Variants in ERC1 observed in about 807,000 individuals in gnomAD.
The protein encoded by ERC1 is ELKS/RAB6-interacting/CAST family member 1, also known as RAB6 interacting protein 2.
ERC1 carries 56 observed loss-of-function variants against 132.0 expected under a neutral mutation model. That is an observed-to-expected ratio of 0.42 (90% CI 0.34 to 0.53). The LOEUF is 0.53. Among genes scored for constraint, ERC1 ranks in the 20% least tolerant of loss-of-function variants. The pLI is 0.03. For synonymous variants in ERC1, 478 were observed against 476.1 expected (o/e 1.00, Z -0.05); for missense variants, 1,202 against 1,349.9 (o/e 0.89, Z 1.72).
intron 1 of ERC1, among the ~76,000 whole-genome samples, chr12:1,019,288 T>C (rs187585946): frequency 1.3e-5 from 2 of 152,294 alleles, no homozygotes; most frequent in African/African-American, 4.8e-5. Context: ...CTGGCCCAGC[T>C]AATTTTTTGT....
intron 15 of ERC1, among the ~76,000 whole-genome samples, chr12:1,334,757 T>A (rs775983783): frequency 3.9e-5 from 6 of 152,176 alleles, no homozygotes; most frequent in Non-Finnish European, 7.4e-5. Context: ...AGTTTTCTAG[T>A]TCTGTGAAGA....
At chr12:1,201,693 A>G (rs958875918) in intron 12 of ERC1, among the ~76,000 whole-genome samples, 3 of 152,142 alleles carry the variant, frequency 2.0e-5, no homozygotes, top group Non-Finnish European at 1.5e-5. Context: ...TCTGGTAAAT[A>G]TTTTTCCTTA....
Position 1,049,950 on chromosome 12 carries a change from C to T in ERC1, c.669+21378C>T, listed in dbSNP as rs537472878. Among the ~76,000 whole-genome samples, 8 of 152,110 alleles carry T rather than the reference C, an allele frequency of 5.3e-5. No individual in the cohort carries two copies. In the South Asian group the frequency reaches 1.5e-3, roughly 28 times the overall value. On this transcript the variant is annotated intron_variant, in intron 2 of 18. Coordinates refer to ENST00000360905, the MANE Select transcript of ERC1 (RefSeq NM_178040.4). ...TAGAGACAGGGTTTTACCATGTTGG[C>T]CAGGCTGGTCTCAAACTCCTGACCT...
chr12:1,309,228 A>G (rs1430467210), intron 15 of ERC1, among the ~76,000 whole-genome samples: 1 of 152,264 alleles, frequency 6.6e-6, no homozygotes, highest in Non-Finnish European at 1.5e-5. Context: ...ATGGAATATC[A>G]TGAACAATAA....
At chr12:1,298,561 C>CAAAAAAAAAAAAAAAAAAAAAA (rs1566521485) in intron 15 of ERC1, among the ~76,000 whole-genome samples, 1 of 87,186 alleles carries the variant, frequency 1.1e-5, no homozygotes, top group Non-Finnish European at 2.9e-5. Flanking sequence ...AAAAAACAAA[C>CAAAAAAAAAAAAAAAAAAAAAA]AAACAAAGAA....
chr12:1,110,044 A>C (rs1945682296), intron 4 of ERC1, 148 bp from the exon 5 acceptor site: 1 of 656,104 alleles, frequency 1.5e-6, no homozygotes. Context: ...CTGTCTCAAA[A>C]AAAGGAAGCA....
intron 2 of ERC1, among the ~76,000 whole-genome samples, chr12:1,034,300 G>A (rs1488670324): frequency 2.6e-5 from 4 of 152,104 alleles, no homozygotes; most frequent in African/African-American, 7.2e-5. Context: ...TGTGAGCTGG[G>A]TATGGTAATA....
At chr12:1,326,119 A>G (rs1015458872) in intron 15 of ERC1, among the ~76,000 whole-genome samples, 2 of 152,176 alleles carry the variant, frequency 1.3e-5, no homozygotes, top group African/African-American at 2.4e-5. Context: ...AATGCCAGGA[A>G]CTTTCACCAG....
At chr12:1,216,111 C>T (rs868411607) in intron 12 of ERC1, among the ~76,000 whole-genome samples, 1 of 152,142 alleles carries the variant, frequency 6.6e-6, no homozygotes, top group Non-Finnish European at 1.5e-5. Flanking sequence ...TCCCCCTCTC[C>T]TTCCTTCTTT....
At chr12:1,082,999 A>T in intron 2 of ERC1, 165 bp from the exon 3 acceptor site, 1 of 597,700 alleles carries the variant, frequency 1.7e-6, no homozygotes, top group South Asian at 2.3e-5. Flanking sequence ...GACATTTTGC[A>T]TATTATCTCA....
chr12:1,156,904 T>G (rs561822921), intron 8 of ERC1, among the ~76,000 whole-genome samples: 39 of 152,300 alleles, frequency 2.6e-4, no homozygotes, highest in African/African-American at 9.1e-4. Flanking sequence ...ATAGGAAGTT[T>G]TTCCTCTAGT....
chr12:1,313,275 TTTC>T (rs1399554005), intron 15 of ERC1, among the ~76,000 whole-genome samples: 4 of 152,092 alleles, frequency 2.6e-5, no homozygotes, highest in East Asian at 3.9e-4. Flanking sequence ...ACCCACTAGA[TTTC>T]TTCTTCTTAC....
chr12:1,394,038 AAAAAAACCAC>A (rs1271616088), intron 16 of ERC1, among the ~76,000 whole-genome samples: 4,473 of 87,370 alleles, frequency 0.051, 468 homozygotes, highest in East Asian at 0.065. Flanking sequence ...AAAAAACAAA[AAAAAAACCAC>A]AAAGCATTAA....
chr12:1,040,812 A>T (rs893122803), intron 2 of ERC1, among the ~76,000 whole-genome samples: 4 of 152,150 alleles, frequency 2.6e-5, no homozygotes, highest in African/African-American at 9.7e-5. Flanking sequence ...ATAGGCCGAG[A>T]AAGTGAGATA....
At chr12:1,331,357 G>C (rs2082847298) in intron 15 of ERC1, among the ~76,000 whole-genome samples, 1 of 152,160 alleles carries the variant, frequency 6.6e-6, no homozygotes. Flanking sequence ...TATCCCATAA[G>C]GTATCATATT....
chr12:1,001,751 T>G (rs1962333753), intron 1 of ERC1, among the ~76,000 whole-genome samples: 2 of 152,198 alleles, frequency 1.3e-5, no homozygotes, highest in South Asian at 4.1e-4. Flanking sequence ...AGTATTCCAT[T>G]GTATAAATAT....
At position 994,066 on chromosome 12, in the gene ERC1, C is replaced by CAAAAAAAAAAAA. The variant is rs72073964; in HGVS notation, c.-157+2762_-157+2773dup. 3.4e-4 allele frequency among the ~76,000 whole-genome samples: 22 copies of CAAAAAAAAAAAA among 64,262 alleles called. 2 individuals are homozygous for CAAAAAAAAAAAA. The highest frequency in any genetic ancestry group is 6.4e-4 in the African/African-American group (13 of 20,254). 42.2% of individuals were successfully genotyped at this position (64,262 alleles called of 152,430 possible). Reference sequence around the variant, plus strand: ...CCTGAGTCACGGCAAAACTCCGTCTCAAAAAAAAAAAAAAAAAAAAAAAAA... The same window carrying CAAAAAAAAAAAA: ...CCTGAGTCACGGCAAAACTCCGTCTCAAAAAAAAAAAAAAAAAAAAAAAAAAAAAAAAAAAAA... On this transcript the variant is annotated intron_variant, in intron 1 of 18. Transcript: ENST00000360905.
chr12:1,283,244 G>A (rs1425059991), intron 14 of ERC1, among the ~76,000 whole-genome samples: 5 of 152,210 alleles, frequency 3.3e-5, no homozygotes, highest in African/African-American at 1.2e-4. Context: ...ACATATTTGA[G>A]TCCCAGCTCT....
chr12:1,236,983 T>C, intron 13 of ERC1, 79 bp downstream of exon 13: 1 of 1,526,172 alleles, frequency 6.6e-7, no homozygotes, highest in Non-Finnish European at 9.0e-7. Flanking sequence ...CTCTTCATCT[T>C]TATCCTCCTC....
Sources: allele counts gnomAD v4.1 joint callset (sites outside exome capture counted in the v4.1 genomes callset), GRCh38; gene constraint gnomAD v4.1.1; transcripts MANE v1.5; gene names NCBI Gene and HGNC (gene_info 2026-07-23, HGNC 2026-07-21).